Variants in ITPR1 observed in about 807,000 individuals in gnomAD.
ITPR1 encodes inositol 1,4,5-trisphosphate-gated calcium channel ITPR1.
ITPR1 carries 96 observed loss-of-function variants against 318.4 expected under a neutral mutation model. The observed-to-expected ratio is 0.30, with a 90% CI of 0.26 to 0.36. ITPR1 has a LOEUF of 0.36. ITPR1 is among the 10% of genes least tolerant of loss of function. The pLI is 1.00. For missense variants in ITPR1, 2,440 were observed against 3,460.2 expected (o/e 0.71, Z 7.40); for synonymous variants, 1,312 against 1,289.9 (o/e 1.02, Z -0.37).
intron 58 of ITPR1, 152 bp downstream of exon 58, chr3:4,814,714 TTCCTC>T: frequency 1.4e-6 from 1 of 719,180 alleles, no homozygotes; most frequent in Non-Finnish European, 2.3e-6. Context: ...TCAGGCTCCT[TTCCTC>T]TCTATCACGT....
At chr3:4,785,757 G>A (rs2047155097) in intron 51 of ITPR1, among the ~76,000 whole-genome samples, 1 of 152,224 alleles carries the variant, frequency 6.6e-6, no homozygotes, top group Admixed American at 6.5e-5. Context: ...TTTAAGAGGT[G>A]TGAACAAGGT....
At position 4,663,138 on chromosome 3, in the gene ITPR1, G is replaced by A; in HGVS notation, c.1486G>A (p.Glu496Lys). ...GGTNSGQDVL[E>K]VVFSKPNRER... ...AACTAATTCTGGTCAAGATGTTCTCGAAGTTGTCTTCTCCAAGCCCAACAG... is the reference window on the plus strand; with the variant it reads ...AACTAATTCTGGTCAAGATGTTCTCAAAGTTGTCTTCTCCAAGCCCAACAG... Residue 496 changes from glutamate (E) to lysine (K), a missense_variant, in exon 16 of 62, where the codon GAA (glutamate) becomes AAA (lysine). Glu to Lys is a moderately conservative substitution (Grantham distance 56). This residue lies in a region of ITPR1 where 478 missense variants were observed against 696.3 expected (regional missense o/e 0.69). Coordinates refer to ENST00000649015, the MANE Select transcript of ITPR1 (RefSeq NM_001378452.1). 1 of 1,613,626 alleles carries A rather than the reference G, an allele frequency of 6.2e-7. No homozygotes were observed. The highest frequency in any genetic ancestry group is 8.5e-7 in the Non-Finnish European group (1 of 1,179,682).
chr3:4,738,619 G>A (rs549340556), intron 44 of ITPR1, among the ~76,000 whole-genome samples: 101 of 152,004 alleles, frequency 6.6e-4, no homozygotes, highest in African/African-American at 2.2e-3. Flanking sequence ...CTGGGGAGAC[G>A]ATGTCTGTGG....
At chr3:4,747,829 A>T (rs1208319378) in intron 44 of ITPR1, among the ~76,000 whole-genome samples, 1 of 152,222 alleles carries the variant, frequency 6.6e-6, no homozygotes, top group African/African-American at 2.4e-5. Flanking sequence ...TAGGGCCGTT[A>T]TGAAAAGTTG....
intron 57 of ITPR1, among the ~76,000 whole-genome samples, chr3:4,813,868 T>C (rs1241218568): frequency 3.3e-5 from 5 of 152,194 alleles, no homozygotes; most frequent in Non-Finnish European, 1.5e-5. Flanking sequence ...TGATGAAATC[T>C]GTGTTTTAGC....
At chr3:4,627,063 C>A (rs914660331) in intron 4 of ITPR1, among the ~76,000 whole-genome samples, 1 of 152,038 alleles carries the variant, frequency 6.6e-6, no homozygotes, top group Non-Finnish European at 1.5e-5. Flanking sequence ...TCAAGTGATC[C>A]ACCTGCCTCA....
chr3:4,556,561 C>G (rs1226776570), intron 4 of ITPR1, among the ~76,000 whole-genome samples: 9 of 150,332 alleles, frequency 6.0e-5, no homozygotes, highest in Non-Finnish European at 1.0e-4. Flanking sequence ...TTAGAATCTT[C>G]CACCAGGTAG....
intron 48 of ITPR1, among the ~76,000 whole-genome samples, chr3:4,778,172 A>T (rs1005746576): frequency 6.6e-6 from 1 of 152,192 alleles, no homozygotes; most frequent in Admixed American, 6.5e-5. Flanking sequence ...CCTCCCTTCT[A>T]TGTAGGGGTT....
chr3:4,546,688 A>G (rs2085041492), intron 4 of ITPR1, among the ~76,000 whole-genome samples: 1 of 151,842 alleles, frequency 6.6e-6, no homozygotes, highest in Admixed American at 6.6e-5. Context: ...ATAGACAAAT[A>G]ATTTAATGGC....
At position 4,779,606 on chromosome 3, in the gene ITPR1, C is replaced by A; in HGVS notation, c.6348C>A (p.Asn2116Lys). ...AIMESRHDSENAERILYNMRP... is the reference protein window; with the variant it reads ...AIMESRHDSEKAERILYNMRP... ...TGGAAAGCAGGCACGACAGTGAAAA[C>A]GCAGAGAGGATACTTTATAACATGA... Residue 2116 changes from asparagine to lysine, a missense_variant, in exon 49 of 62, where the codon AAC becomes AAA. By Grantham distance (94) the Asn-to-Lys change is moderately conservative (BLOSUM62 0). This residue lies in a region of ITPR1 where 49 missense variants were observed against 47.2 expected (regional missense o/e 1.04). Coordinates refer to ENST00000649015, the MANE Select transcript of ITPR1 (RefSeq NM_001378452.1). The surrounding 1 kb of genome is among the most constrained non-coding windows in gnomAD (Gnocchi z 4.0). 1 of 1,612,300 alleles carries A rather than the reference C, an allele frequency of 6.2e-7. No individual in the cohort carries two copies.
intron 4 of ITPR1, among the ~76,000 whole-genome samples, chr3:4,541,687 G>A (rs561093178): frequency 4.6e-5 from 7 of 151,860 alleles, no homozygotes; most frequent in South Asian, 2.1e-4. Flanking sequence ...GTGCAGTGGC[G>A]TGATCTCGGC....
At chr3:4,656,611 C>T (rs768762501) in intron 12 of ITPR1, among the ~76,000 whole-genome samples, 3 of 152,174 alleles carry the variant, frequency 2.0e-5, no homozygotes, top group Non-Finnish European at 4.4e-5. Context: ...GGTTGGGGGC[C>T]GCAGCTGAAC....
intron 14 of ITPR1, among the ~76,000 whole-genome samples, chr3:4,661,809 T>A (rs934437500): frequency 3.9e-5 from 6 of 152,242 alleles, no homozygotes; most frequent in African/African-American, 1.4e-4. Context: ...TCTTTAGTTA[T>A]GAGAATTTTG....
chr3:4,626,142 T>C (rs9822791), intron 4 of ITPR1, among the ~76,000 whole-genome samples: 26,513 of 151,904 alleles, frequency 0.17, 4,903 homozygotes, highest in African/African-American at 0.47. Flanking sequence ...AGCAAGTCCC[T>C]ATCTCTTTAA....
At position 4,717,319 on chromosome 3, in the gene ITPR1, C is replaced by T. The variant is rs780437733; in HGVS notation, c.5104-48C>T. 3.4e-6 allele frequency: 5 copies of T among 1,492,484 alleles called. No homozygotes were observed. In the East Asian group the frequency reaches 1.1e-4, roughly 34 times the overall value. The allele number at this position is 1,492,484 out of a possible 1,614,324, so 92.5% of individuals were successfully genotyped here. A position where few individuals can be genotyped will look rare whatever the true frequency, so the allele number is the denominator to read the frequency against. On this transcript the variant is annotated intron_variant, in intron 39 of 61. Coordinates refer to ENST00000649015, the MANE Select transcript of ITPR1 (RefSeq NM_001378452.1). ...CTATAAACTTGGCTGGCTTGTATTT[C>T]CTTTCCTAACATTTCCTTCTCTCTC...
chr3:4,615,835 G>A (rs575495435), intron 4 of ITPR1, among the ~76,000 whole-genome samples: 1 of 152,266 alleles, frequency 6.6e-6, no homozygotes, highest in Admixed American at 6.5e-5. Context: ...GTGAGTGGTG[G>A]ACCTGCAAGC....
At chr3:4,675,273 A>T in intron 23 of ITPR1, 25 bp downstream of exon 23, 2 of 1,550,794 alleles carry the variant, frequency 1.3e-6, no homozygotes, top group Middle Eastern at 3.4e-4. Context: ...GTGCCCATAC[A>T]TCTGAGAGAT....
intron 44 of ITPR1, among the ~76,000 whole-genome samples, chr3:4,755,498 G>A (rs952866450): frequency 6.6e-6 from 1 of 151,720 alleles, no homozygotes; most frequent in Non-Finnish European, 1.5e-5. Flanking sequence ...CTTGGCCTCC[G>A]GAAGTGCTGT....
chr3:4,704,428 T>A (rs1245388707), intron 36 of ITPR1, among the ~76,000 whole-genome samples: 2 of 151,882 alleles, frequency 1.3e-5, no homozygotes, highest in East Asian at 3.9e-4. Flanking sequence ...AACAAAAAAA[T>A]CCCTACCTGT....
Sources: allele counts gnomAD v4.1 joint callset (sites outside exome capture counted in the v4.1 genomes callset), GRCh38; gene constraint gnomAD v4.1.1; regional missense constraint gnomAD v4.1.1; non-coding constraint Gnocchi (gnomAD v3.1); transcripts MANE v1.5; gene names NCBI Gene and HGNC (gene_info 2026-07-23, HGNC 2026-07-21).